Variants in GPC6 observed in about 807,000 individuals in gnomAD.
GPC6 encodes glypican 6.
GPC6 carries 14 observed loss-of-function variants against 55.2 expected under a neutral mutation model. The observed-to-expected ratio is 0.25, with a 90% CI of 0.17 to 0.40. GPC6 has a LOEUF of 0.40. GPC6 is among the 10% of genes least tolerant of loss of function. The probability of loss-of-function intolerance (pLI) is 1.00; values close to 1 mark genes in which losing one functional copy is unlikely to be tolerated. For synonymous variants in GPC6, 278 were observed against 259.6 expected (o/e 1.07, Z -0.68); for missense variants, 641 against 708.5 (o/e 0.90, Z 1.08).
At chr13:94,282,415 A>AGCATGAGAACAGGACAACT (rs933503967) in intron 4 of GPC6, among the ~76,000 whole-genome samples, 10 of 152,220 alleles carry the variant, frequency 6.6e-5, no homozygotes, top group Non-Finnish European at 2.9e-5. Context: ...TCATGAGAAC[A>AGCATGAGAACAGGACAACT]GCATGAGAAC....
At chr13:93,555,097 G>T (rs902980581) in intron 2 of GPC6, among the ~76,000 whole-genome samples, 2 of 152,104 alleles carry the variant, frequency 1.3e-5, no homozygotes, top group East Asian at 1.9e-4. Context: ...ATTTCTCCAC[G>T]TATTTTGTTT....
intron 6 of GPC6, among the ~76,000 whole-genome samples, chr13:94,354,997 T>C (rs190909210): frequency 1.3e-5 from 2 of 151,460 alleles, no homozygotes; most frequent in East Asian, 2.0e-4. Context: ...CCTGTGTCCA[T>C]GTGGCATGAT....
intron 2 of GPC6, among the ~76,000 whole-genome samples, chr13:93,596,164 T>C (rs1877718203): frequency 6.6e-6 from 1 of 152,122 alleles, no homozygotes; most frequent in East Asian, 1.9e-4. Flanking sequence ...GGAGATGGGA[T>C]CAGAGGCCAG....
At position 94,213,158 on chromosome 13, in the gene GPC6, AAAAC is replaced by A. The variant is rs965484522; in HGVS notation, c.878-73171_878-73168del. 1.1e-4 allele frequency among the ~76,000 whole-genome samples: 17 copies of A among 152,304 alleles called. No homozygotes were observed. The East Asian group carries it at 1.5e-3, about 14-fold the overall frequency. On this transcript the variant is annotated intron_variant, in intron 4 of 8. Transcript: ENST00000377047. ...GTGACATAGCAAGACTGTGTCTCAA[AAAAC>A]AAACAAACAAACAAACAAAAAATAC...
In GPC6 at chr13:93,918,132, T is replaced by C. The variant is rs116697136; in HGVS notation, c.711+87587T>C. ...AAATCACATCTAACTCATGATGTAC[T>C]TGGAGATCGACAAGATGACTTTAGT... On this transcript the variant is annotated intron_variant, in intron 3 of 8. Transcript: ENST00000377047. Among the ~76,000 whole-genome samples, 537 of 152,172 alleles carry C rather than the reference T, an allele frequency of 3.5e-3. 6 individuals carry two copies. Among genetic ancestry groups the C allele is most frequent in the African/African-American group, 0.013 (523 of 41,518 alleles).
chr13:93,596,588 GAAATAAAT>G (rs1309800325), intron 2 of GPC6, among the ~76,000 whole-genome samples: 3 of 139,862 alleles, frequency 2.1e-5, no homozygotes, highest in Non-Finnish European at 4.6e-5. Flanking sequence ...AAAAGGATGT[GAAATAAAT>G]AAATAAATAA....
At chr13:93,826,521 TG>T (rs1410962826) in intron 2 of GPC6, among the ~76,000 whole-genome samples, 3 of 152,050 alleles carry the variant, frequency 2.0e-5, no homozygotes, top group Admixed American at 2.0e-4. Context: ...TCTGAGAGCA[TG>T]AAAAAAAATA....
At position 94,027,746 on chromosome 13, in the gene GPC6, G is replaced by A. The variant is rs762839157; in HGVS notation, c.729G>A (p.Gly243=). ...NRVSKVSPTP[G]CIRALMKMLY... ...ATCTGCAGGTCAGCCCAACCCCAGG[G>A]TGTATCCGTGCCCTCATGAAGATGC... The change falls in exon 4 of 9, where the codon GGG becomes GGA. Residue 243 remains glycine, a synonymous_variant. Transcript: ENST00000377047. The A allele has an allele frequency of 1.2e-5, 20 of 1,613,820 alleles. No individual in the cohort carries two copies. The South Asian group carries it at 2.0e-4, about 16-fold the overall frequency.
intron 7 of GPC6, among the ~76,000 whole-genome samples, chr13:94,391,171 T>A (rs569763215): frequency 6.6e-6 from 1 of 152,306 alleles, no homozygotes; most frequent in East Asian, 1.9e-4. Flanking sequence ...ATTCTCCAAC[T>A]GGAAAAGAGC....
chr13:94,210,766 GTTTA>G (rs1158396917), intron 4 of GPC6, among the ~76,000 whole-genome samples: 3 of 152,128 alleles, frequency 2.0e-5, no homozygotes, highest in Non-Finnish European at 4.4e-5. Flanking sequence ...ATGAATAAAT[GTTTA>G]TTTATTTGGT....
intron 1 of GPC6, among the ~76,000 whole-genome samples, chr13:93,453,938 T>C (rs894307090): frequency 4.6e-5 from 7 of 152,164 alleles, no homozygotes; most frequent in African/African-American, 1.7e-4. Flanking sequence ...TTCTTTTATC[T>C]GGCCCCACCC....
intron 4 of GPC6, chr13:94,154,299 A>G (rs904562134): frequency 3.0e-4 from 46 of 152,272 alleles, no homozygotes; most frequent in African/African-American, 1.1e-3. Flanking sequence ...AGAAATATCA[A>G]TTATAACATA....
intron 2 of GPC6, among the ~76,000 whole-genome samples, chr13:93,766,418 A>C (rs1566524575): frequency 6.6e-6 from 1 of 152,134 alleles, no homozygotes. Flanking sequence ...GCTGAATAGC[A>C]TTGTGCCCAT....
intron 4 of GPC6, among the ~76,000 whole-genome samples, chr13:94,090,794 G>T (rs1885453083): frequency 6.6e-6 from 1 of 152,112 alleles, no homozygotes. Flanking sequence ...GAAGAACCAA[G>T]ATTAAGACCC....
chr13:93,287,605 A>G (rs778394971), intron 1 of GPC6, among the ~76,000 whole-genome samples: 8 of 152,256 alleles, frequency 5.3e-5, no homozygotes, highest in Non-Finnish European at 7.3e-5. Flanking sequence ...AGTAATGATT[A>G]GGAATGTAGC....
rs537809955 is a variant in GPC6, at chr13:93,713,692, G to C, written c.320-116462G>C. On this transcript the variant is annotated intron_variant, in intron 2 of 8. Coordinates refer to ENST00000377047, the MANE Select transcript of GPC6 (RefSeq NM_005708.5). ...AAAATAACTTCTAGTTCTATATTTA[G>C]TGATGTTAATTGCCCATTTGTAAAA... Among the ~76,000 whole-genome samples, 5 of 138,418 alleles carry C rather than the reference G, an allele frequency of 3.6e-5. No individual in the cohort carries two copies. The East Asian group carries it at 7.9e-4, about 22-fold the overall frequency. The allele number at this position is 138,418 out of a possible 152,430, so 90.8% of individuals were successfully genotyped here.
chr13:93,623,491 C>A (rs1331438608), intron 2 of GPC6, among the ~76,000 whole-genome samples: 2 of 132,120 alleles, frequency 1.5e-5, no homozygotes, highest in Non-Finnish European at 3.1e-5. Context: ...CGGAGTCTCG[C>A]TCTCTCGCCC....
At chr13:93,660,646 C>T (rs1880883459) in intron 2 of GPC6, among the ~76,000 whole-genome samples, 1 of 152,162 alleles carries the variant, frequency 6.6e-6, no homozygotes, top group South Asian at 2.1e-4. Flanking sequence ...TTTTAGAATT[C>T]ACCTCTGGGA....
chr13:94,385,923 A>G (rs1386256742), intron 7 of GPC6, among the ~76,000 whole-genome samples: 1 of 152,260 alleles, frequency 6.6e-6, no homozygotes, highest in Non-Finnish European at 1.5e-5. Flanking sequence ...TGTTAAAAAA[A>G]GAAAAGAAAA....
Sources: gnomAD v4.1 joint callset for allele counts (sites outside exome capture counted in the v4.1 genomes callset) on GRCh38, gnomAD v4.1.1 for gene constraint, MANE v1.5 for transcripts, NCBI Gene and HGNC (gene_info 2026-07-23, HGNC 2026-07-21) for gene names.